The following TMEM117 variants were observed in gnomAD, a reference collection of about 807,000 sequenced individuals.
TMEM117 encodes transmembrane protein 117.
A neutral mutation model predicts 52.4 loss-of-function variants in TMEM117; 27 were observed. The ratio of observed to expected loss-of-function variants is 0.51; its 90% CI spans 0.38 to 0.71. The LOEUF (loss-of-function observed/expected upper bound fraction) is 0.71, where lower values mean the gene tolerates loss of function less well. Ranked by LOEUF, TMEM117 falls within the 30% of genes least tolerant of loss-of-function variation. The pLI, the probability that TMEM117 is intolerant of heterozygous loss-of-function variation, is 0.00. For synonymous variants in TMEM117, 215 were observed against 206.3 expected, an observed-to-expected ratio of 1.04 and a Z score of -0.36; for missense variants, 556 against 630.5, an observed-to-expected ratio of 0.88 and a Z score of 1.26.
chr12:44,226,888 G>A (rs1194526001), intron 5 of TMEM117, among the ~76,000 whole-genome samples: 1 of 152,038 alleles, frequency 6.6e-6, no homozygotes. Flanking sequence ...TCTAGTCTGT[G>A]GTACTTTGTT....
At chr12:44,374,616 T>A (rs971526283) in intron 6 of TMEM117, among the ~76,000 whole-genome samples, 11 of 144,808 alleles carry the variant, frequency 7.6e-5, no homozygotes, top group Non-Finnish European at 1.7e-4. Context: ...AAGGAACTAT[T>A]TGTGTGTGTG....
chr12:43,984,692 A>G (rs974159159), intron 3 of TMEM117, among the ~76,000 whole-genome samples: 3 of 152,196 alleles, frequency 2.0e-5, no homozygotes, highest in African/African-American at 7.2e-5. Flanking sequence ...ATTTGGATGT[A>G]ATGCCTTGTG....
chr12:43,968,824 C>T (rs143062837), intron 3 of TMEM117, among the ~76,000 whole-genome samples: 4 of 152,126 alleles, frequency 2.6e-5, no homozygotes, highest in African/African-American at 9.7e-5. Flanking sequence ...TGAGAAAGTA[C>T]CCGTATTTAA....
At chr12:44,248,199 T>G (rs981132101) in intron 5 of TMEM117, among the ~76,000 whole-genome samples, 1 of 152,078 alleles carries the variant, frequency 6.6e-6, no homozygotes, top group African/African-American at 2.4e-5. Flanking sequence ...TCTGGAGAAT[T>G]TGATGCTATT....
At chr12:44,144,049 C>T (rs1001236063) in intron 4 of TMEM117, among the ~76,000 whole-genome samples, 23 of 151,896 alleles carry the variant, frequency 1.5e-4, no homozygotes, top group Non-Finnish European at 2.9e-4. Flanking sequence ...TCTCAGAAGA[C>T]CATATGAAAT....
chr12:43,889,445 C>T (rs1421798864), intron 2 of TMEM117, among the ~76,000 whole-genome samples: 3 of 152,158 alleles, frequency 2.0e-5, no homozygotes, highest in African/African-American at 4.8e-5. Context: ...ATAGGGTTCA[C>T]ACTCTTATGA....
intron 6 of TMEM117, among the ~76,000 whole-genome samples, chr12:44,332,578 T>C (rs1951285273): frequency 2.0e-5 from 3 of 152,220 alleles, no homozygotes; most frequent in Middle Eastern, 3.4e-3. Flanking sequence ...GAGAGTTCTA[T>C]CAATTCTAGA....
intron 4 of TMEM117, among the ~76,000 whole-genome samples, chr12:44,205,708 A>G (rs752982934): frequency 1.2e-4 from 18 of 152,204 alleles, no homozygotes; most frequent in Non-Finnish European, 2.4e-4. Flanking sequence ...TCAAACCACA[A>G]TAAGATACCA....
chr12:44,261,660 G>A (rs2138541268), intron 5 of TMEM117, among the ~76,000 whole-genome samples: 1 of 152,298 alleles, frequency 6.6e-6, no homozygotes, highest in South Asian at 2.1e-4. Flanking sequence ...AGGTACGATG[G>A]TGTTGAATAA....
At chr12:43,802,149 T>C in the TMEM117 span, 3 of 517,280 alleles carry the variant, frequency 5.8e-6, no homozygotes, top group South Asian at 5.0e-5. Flanking sequence ...TTCTCCGTTA[T>C]CAATCCAAGG....
At chr12:44,211,870 G>C (rs1949650208) in intron 5 of TMEM117, among the ~76,000 whole-genome samples, 1 of 152,144 alleles carries the variant, frequency 6.6e-6, no homozygotes, top group South Asian at 2.1e-4. Flanking sequence ...AACAATCCAT[G>C]TCTTATGGAA....
At chr12:44,040,117 A>C (rs1189959207) in intron 3 of TMEM117, among the ~76,000 whole-genome samples, 1 of 152,152 alleles carries the variant, frequency 6.6e-6, no homozygotes, top group Non-Finnish European at 1.5e-5. Context: ...AGTTATTGAC[A>C]TGACATCACG....
chr12:44,145,074 G>T (rs920264574), intron 4 of TMEM117, among the ~76,000 whole-genome samples: 1 of 152,090 alleles, frequency 6.6e-6, no homozygotes, highest in East Asian at 1.9e-4. Flanking sequence ...GGAGAATGGC[G>T]TGAACCTGGG....
the TMEM117 span, among the ~76,000 whole-genome samples, chr12:43,819,419 A>G: frequency 6.6e-6 from 1 of 152,104 alleles, no homozygotes; most frequent in Non-Finnish European, 1.5e-5. Flanking sequence ...GTATTTCAGA[A>G]GAGATGTCTG....
At chr12:44,075,273 A>C (rs1365429095) in intron 3 of TMEM117, among the ~76,000 whole-genome samples, 1 of 152,208 alleles carries the variant, frequency 6.6e-6, no homozygotes, top group Non-Finnish European at 1.5e-5. Context: ...AGGAGCTGGA[A>C]TCAGCTCTCT....
At chr12:43,859,436 GA>G (rs1245476766) in intron 2 of TMEM117, among the ~76,000 whole-genome samples, 2 of 152,154 alleles carry the variant, frequency 1.3e-5, no homozygotes, top group Admixed American at 6.5e-5. Context: ...TTCTGAAAAT[GA>G]TAGGAAGCCA....
chr12:44,084,198 A>C (rs1947529565), intron 3 of TMEM117, among the ~76,000 whole-genome samples: 1 of 152,146 alleles, frequency 6.6e-6, no homozygotes, highest in South Asian at 2.1e-4. Context: ...AGATTCTAAC[A>C]TATTTATTAT....
Position 44,197,321 on chromosome 12 carries a change from G to A in TMEM117, c.511-13969G>A, listed in dbSNP as rs78328742. 2.8e-3 allele frequency among the ~76,000 whole-genome samples: 422 copies of A among 151,952 alleles called. 1 individual carries two copies. The highest frequency in any genetic ancestry group is 5.1e-3 in the Non-Finnish European group (344 of 67,990). Reference sequence around the variant, plus strand: ...CATCCCTGTATACATTTTCAGAGCCGTTATATTATGGTATATCGTACATAA... The same window carrying A: ...CATCCCTGTATACATTTTCAGAGCCATTATATTATGGTATATCGTACATAA... On this transcript the variant is annotated intron_variant, in intron 4 of 7. Coordinates refer to ENST00000266534, the MANE Select transcript of TMEM117 (RefSeq NM_032256.3).
chr12:44,010,262 A>G, intron 3 of TMEM117: 1 of 458,652 alleles, frequency 2.2e-6, no homozygotes, highest in Non-Finnish European at 4.4e-6. Context: ...TCCTAAGAGC[A>G]CTTCAGTAAG....
Sources: allele counts gnomAD v4.1 joint callset (sites outside exome capture counted in the v4.1 genomes callset), GRCh38; gene constraint gnomAD v4.1.1; transcripts MANE v1.5; gene names NCBI Gene and HGNC (gene_info 2026-07-23, HGNC 2026-07-21).